MAST4: variants seen among roughly 807,000 people sequenced by gnomAD.
The protein encoded by MAST4 is microtubule associated serine/threonine kinase family member 4, also known as microtubule-associated serine/threonine-protein kinase 4.
In MAST4, 89 loss-of-function variants were observed where a neutral mutation model predicts 162.7. The ratio of observed to expected loss-of-function variants is 0.55; its 90% CI spans 0.46 to 0.65. MAST4 has a LOEUF of 0.65. MAST4 is among the 30% of genes least tolerant of loss of function. MAST4 has a pLI of 0.00. For synonymous variants in MAST4, 1,479 were observed against 1,361.1 expected (o/e 1.09, Z -1.91); for missense variants, 3,153 against 3,374.0 (o/e 0.93, Z 1.62).
intron 1 of MAST4, among the ~76,000 whole-genome samples, chr5:66,736,688 A>G (rs1020353880): frequency 2.6e-5 from 4 of 152,222 alleles, no homozygotes; most frequent in African/African-American, 9.6e-5. Context: ...ACAGTGGTCT[A>G]TTCTTTTCTT....
intron 4 of MAST4, among the ~76,000 whole-genome samples, chr5:67,053,907 G>A (rs1019652251): frequency 1.3e-5 from 2 of 152,128 alleles, no homozygotes; most frequent in African/African-American, 4.8e-5. Flanking sequence ...TGAATGAGTG[G>A]TGAGACACAT....
In MAST4 at chr5:67,144,581, T is replaced by C. The variant is rs776005988; in HGVS notation, c.2731-88T>C. 180 of 1,343,374 alleles carry C rather than the reference T, an allele frequency of 1.3e-4. 1 individual carries two copies. Among genetic ancestry groups the C allele is most frequent in the Non-Finnish European group, 1.7e-4 (164 of 952,704 alleles). The allele number at this position is 1,343,374 out of a possible 1,614,324, so 83.2% of individuals were successfully genotyped here. On this transcript the variant is annotated intron_variant, in intron 21 of 28. Transcript: ENST00000403625. ...ATATTAGTTCAGAATTTAGTTATCCTCTCAGGTTTTTCTCCCAAGACTTGG... is the reference window on the plus strand; with the variant it reads ...ATATTAGTTCAGAATTTAGTTATCCCCTCAGGTTTTTCTCCCAAGACTTGG...
chr5:66,942,794 T>C (rs1292578120), intron 4 of MAST4, among the ~76,000 whole-genome samples: 1 of 152,106 alleles, frequency 6.6e-6, no homozygotes, highest in Non-Finnish European at 1.5e-5. Flanking sequence ...CTTTTGCCTT[T>C]GGAGGTTGAC....
Position 67,100,588 on chromosome 5 carries a change from C to G in MAST4, c.1066C>G (p.Leu356Val). Residue 356 changes from leucine to valine, a missense_variant, in exon 8 of 29, where the codon CTG (leucine) becomes GTG (valine). Transcript: ENST00000403625. Reference sequence around the variant, plus strand: ...GCCGATGCGCCCCCGTTCCCGAAGTCTGAGGTGTGTGGGCCTGGCTGAAAA... The same window carrying G: ...GCCGATGCGCCCCCGTTCCCGAAGTGTGAGGTGTGTGGGCCTGGCTGAAAA... Reference protein sequence around the residue: ...NTPMRPRSRSLSPGRSPACCD... With the variant: ...NTPMRPRSRSVSPGRSPACCD... 2 of 1,613,868 alleles carry G rather than the reference C, an allele frequency of 1.2e-6. No homozygotes were observed. Among genetic ancestry groups the G allele is most frequent in the South Asian group, 2.2e-5 (2 of 91,054 alleles).
chr5:67,018,508 C>G (rs1307574701), intron 4 of MAST4, among the ~76,000 whole-genome samples: 1 of 151,840 alleles, frequency 6.6e-6, no homozygotes, highest in African/African-American at 2.4e-5. Context: ...GAACAAGACC[C>G]TGTCTCAAAA....
At chr5:67,122,945 T>C (rs746743664) in intron 14 of MAST4, among the ~76,000 whole-genome samples, 7 of 152,224 alleles carry the variant, frequency 4.6e-5, no homozygotes, top group Non-Finnish European at 7.3e-5. Flanking sequence ...CAGCCAAAAC[T>C]CTTTTTTTCT....
chr5:66,908,765 G>GCAAT (rs1180557281), intron 4 of MAST4, among the ~76,000 whole-genome samples: 1 of 152,122 alleles, frequency 6.6e-6, no homozygotes, highest in African/African-American at 2.4e-5. Context: ...TAATCAATAG[G>GCAAT]CAATCAATCA....
intron 3 of MAST4, among the ~76,000 whole-genome samples, chr5:66,846,965 T>A (rs1057403593): frequency 6.6e-6 from 1 of 152,232 alleles, no homozygotes; most frequent in Non-Finnish European, 1.5e-5. Context: ...TCTACCTCCC[T>A]GGCACTCATT....
chr5:67,136,616 C>T lies in MAST4; in HGVS notation c.2446C>T (p.Leu816=). Residue 816 remains leucine (L), a synonymous_variant, in exon 19 of 29, where the codon CTG becomes TTG. Coordinates refer to ENST00000403625, the MANE Select transcript of MAST4 (RefSeq NM_001164664.2). Reference sequence around the variant, plus strand: ...GGCACCCCCACCTGATGCCCAGGATCTGATTACCTTACTCCTCAGGCAGAA... The same window carrying T: ...GGCACCCCCACCTGATGCCCAGGATTTGATTACCTTACTCCTCAGGCAGAA... The part of the protein sequence containing the change: ...DEAPPPDAQD[L]ITLLLRQNPL... 3 of 1,607,224 alleles carry T rather than the reference C, an allele frequency of 1.9e-6. No homozygotes were observed. Among genetic ancestry groups the T allele is most frequent in the Non-Finnish European group, 2.5e-6 (3 of 1,176,792 alleles).
chr5:67,118,575 G>A, intron 12 of MAST4, 107 bp from the exon 13 acceptor site: 2 of 694,572 alleles, frequency 2.9e-6, no homozygotes, highest in Non-Finnish European at 2.4e-6. Flanking sequence ...GGAGTATAGA[G>A]CAATTTTTTT....
In MAST4 at chr5:67,040,038, T is replaced by C. The variant is rs564510450; in HGVS notation, c.675-14366T>C. ...TCACTAATGCAGTCAGTGTATCTTATTCTGATTTGCTGGCCAAATTTGCTT... is the reference window on the plus strand; with the variant it reads ...TCACTAATGCAGTCAGTGTATCTTACTCTGATTTGCTGGCCAAATTTGCTT... On this transcript the variant is annotated intron_variant, in intron 4 of 28. Coordinates refer to ENST00000403625, the MANE Select transcript of MAST4 (RefSeq NM_001164664.2). Among the ~76,000 whole-genome samples, 66 of 152,052 alleles carry C rather than the reference T, an allele frequency of 4.3e-4. No individual in the cohort carries two copies. The South Asian group carries it at 0.013, about 31-fold the overall frequency.
At chr5:67,092,818 G>A (rs1335436332) in intron 6 of MAST4, among the ~76,000 whole-genome samples, 7 of 150,370 alleles carry the variant, frequency 4.7e-5, no homozygotes, top group Non-Finnish European at 1.0e-4. Flanking sequence ...TGGAAGTCAG[G>A]CCTACTAAAG....
At chr5:66,845,679 G>A (rs1007994366) in intron 3 of MAST4, among the ~76,000 whole-genome samples, 1 of 152,030 alleles carries the variant, frequency 6.6e-6, no homozygotes, top group Non-Finnish European at 1.5e-5. Flanking sequence ...GATCCTTGAG[G>A]GATCGCCACA....
At chr5:66,864,116 G>A (rs1760314806) in intron 3 of MAST4, among the ~76,000 whole-genome samples, 2 of 152,138 alleles carry the variant, frequency 1.3e-5, no homozygotes, top group Non-Finnish European at 1.5e-5. Flanking sequence ...GAAAACAAAT[G>A]AGACAAAGTT....
chr5:66,750,344 G>C (rs931037212), intron 1 of MAST4, among the ~76,000 whole-genome samples: 2 of 152,200 alleles, frequency 1.3e-5, no homozygotes, highest in African/African-American at 4.8e-5. Flanking sequence ...CAGCGTGAGC[G>C]ACGCAGGAAA....
At chr5:66,674,818 G>A (rs1384203008) in intron 1 of MAST4, among the ~76,000 whole-genome samples, 2 of 152,196 alleles carry the variant, frequency 1.3e-5, no homozygotes. Context: ...TTCGTAGGCT[G>A]TTGTCAGAGT....
rs150766647 is a variant in MAST4 at position 66,925,430 on chromosome 5, C to A, written c.674+25448C>A. Among the ~76,000 whole-genome samples, 240 of 152,296 alleles carry A rather than the reference C, an allele frequency of 1.6e-3. 1 individual carries two copies. The highest frequency in any genetic ancestry group is 5.6e-3 in the African/African-American group (231 of 41,552). ...TTTATGTGCAGGAAATCACTCTAAACAACACATTTAATAGGTTCCAGTAGT... is the reference window on the plus strand; with the variant it reads ...TTTATGTGCAGGAAATCACTCTAAAAAACACATTTAATAGGTTCCAGTAGT... On this transcript the variant is annotated intron_variant, in intron 4 of 28. Transcript: ENST00000403625.
chr5:67,019,239 G>A (rs987315370), intron 4 of MAST4, among the ~76,000 whole-genome samples: 2 of 152,210 alleles, frequency 1.3e-5, no homozygotes, highest in Admixed American at 6.5e-5. Flanking sequence ...GCTAATTAAT[G>A]CGCAGCTGCA....
chr5:66,998,006 T>A (rs931367080), intron 4 of MAST4, among the ~76,000 whole-genome samples: 1 of 152,230 alleles, frequency 6.6e-6, no homozygotes, highest in Non-Finnish European at 1.5e-5. Context: ...CCCTGTTTGG[T>A]ACTTTGATGA....
Sources: gnomAD v4.1 joint callset for allele counts (sites outside exome capture counted in the v4.1 genomes callset) on GRCh38, gnomAD v4.1.1 for gene constraint, MANE v1.5 for transcripts, NCBI Gene and HGNC (gene_info 2026-07-23, HGNC 2026-07-21) for gene names.